Variants in RIMS2 observed in about 807,000 individuals in gnomAD.
RIMS2 encodes regulating synaptic membrane exocytosis 2.
A neutral mutation model predicts 174.4 loss-of-function variants in RIMS2; 59 were observed. The observed-to-expected ratio is 0.34, with a 90% CI of 0.27 to 0.42. RIMS2 has a LOEUF of 0.42. Ranked by LOEUF, RIMS2 falls within the 10% of genes least tolerant of loss-of-function variation. The pLI is 1.00. For missense variants in RIMS2, 1,620 were observed against 1,666.3 expected (o/e 0.97, Z 0.48); for synonymous variants, 606 against 572.5 (o/e 1.06, Z -0.84).
At chr8:104,240,164 C>A (rs1467018915) in intron 19 of RIMS2, among the ~76,000 whole-genome samples, 2 of 152,176 alleles carry the variant, frequency 1.3e-5, no homozygotes, top group African/African-American at 4.8e-5. Flanking sequence ...TGGTGTGGTT[C>A]AGTTACGCCC....
chr8:104,077,836 G>A (rs2097328042), intron 19 of RIMS2, among the ~76,000 whole-genome samples: 2 of 151,098 alleles, frequency 1.3e-5, no homozygotes, highest in Admixed American at 1.3e-4. Flanking sequence ...TTACATAAAA[G>A]ATCTACAGTT....
At chr8:104,065,513 G>C (rs2097090387) in intron 19 of RIMS2, among the ~76,000 whole-genome samples, 1 of 152,064 alleles carries the variant, frequency 6.6e-6, no homozygotes, top group African/African-American at 2.4e-5. Context: ...TTTATCTATA[G>C]GAGACTTTTC....
chr8:103,591,862 T>A (rs903387064), intron 1 of RIMS2, among the ~76,000 whole-genome samples: 2 of 151,042 alleles, frequency 1.3e-5, no homozygotes, highest in African/African-American at 4.8e-5. Flanking sequence ...TTTCTCAGAG[T>A]TGGATTAATA....
At chr8:103,563,897 A>G (rs2091981206) in intron 1 of RIMS2, among the ~76,000 whole-genome samples, 1 of 152,194 alleles carries the variant, frequency 6.6e-6, no homozygotes, top group Non-Finnish European at 1.5e-5. Context: ...AAACTCTCTT[A>G]TAAAACCAGC....
At chr8:103,598,832 T>A (rs1395279822) in intron 1 of RIMS2, among the ~76,000 whole-genome samples, 1 of 152,184 alleles carries the variant, frequency 6.6e-6, no homozygotes, top group Non-Finnish European at 1.5e-5. Flanking sequence ...AGAAAAGTCC[T>A]GGCTTTGCTG....
At chr8:104,212,277 A>T (rs1237405578) in intron 19 of RIMS2, among the ~76,000 whole-genome samples, 1 of 152,188 alleles carries the variant, frequency 6.6e-6, no homozygotes, top group Non-Finnish European at 1.5e-5. Context: ...ATAAAAGAAG[A>T]GGGCCCAAAG....
chr8:104,232,831 G>T (rs2139354827), intron 19 of RIMS2, among the ~76,000 whole-genome samples: 1 of 152,170 alleles, frequency 6.6e-6, no homozygotes, highest in South Asian at 2.1e-4. Flanking sequence ...GGCTAGAAAA[G>T]TAGCACCTTC....
intron 19 of RIMS2, among the ~76,000 whole-genome samples, chr8:104,215,834 A>G (rs1012485602): frequency 1.3e-5 from 2 of 152,214 alleles, no homozygotes; most frequent in South Asian, 2.1e-4. Flanking sequence ...GAGACTGGGA[A>G]AAATAGAAGC....
At chr8:104,066,947 A>G (rs2097115210) in intron 19 of RIMS2, among the ~76,000 whole-genome samples, 1 of 152,134 alleles carries the variant, frequency 6.6e-6, no homozygotes, top group South Asian at 2.1e-4. Flanking sequence ...AAAATTTGTT[A>G]CTAACAAGAA....
chr8:103,783,679 T>C (rs2098414253), intron 3 of RIMS2, among the ~76,000 whole-genome samples: 1 of 152,094 alleles, frequency 6.6e-6, no homozygotes, highest in South Asian at 2.1e-4. Context: ...GTGGGACATT[T>C]GGGTTGGTTC....
intron 19 of RIMS2, among the ~76,000 whole-genome samples, chr8:104,149,486 T>C (rs2098671515): frequency 6.6e-6 from 1 of 152,204 alleles, no homozygotes; most frequent in Non-Finnish European, 1.5e-5. Flanking sequence ...CAAAAATAAA[T>C]TATATACAAC....
intron 2 of RIMS2, among the ~76,000 whole-genome samples, chr8:103,762,660 G>C (rs2098124748): frequency 6.6e-6 from 1 of 152,168 alleles, no homozygotes; most frequent in South Asian, 2.1e-4. Context: ...GGCTACAAGT[G>C]AAAGTATCAG....
At chr8:103,673,461 C>G (rs2096770760) in intron 1 of RIMS2, among the ~76,000 whole-genome samples, 1 of 152,212 alleles carries the variant, frequency 6.6e-6, no homozygotes, top group Non-Finnish European at 1.5e-5. Flanking sequence ...TAGGAGGAGG[C>G]TGCCGAGATT....
chr8:103,954,852 G>A (rs2086636447), intron 14 of RIMS2, among the ~76,000 whole-genome samples: 1 of 152,060 alleles, frequency 6.6e-6, no homozygotes, highest in Non-Finnish European at 1.5e-5. Flanking sequence ...CAGACTACTA[G>A]CCAGACTAAT....
chr8:104,107,888 G>A lies in RIMS2; in HGVS notation c.3334+93273G>A, dbSNP rs192821131. On this transcript the variant is annotated intron_variant, in intron 19 of 23. Coordinates refer to ENST00000504942, the Ensembl canonical transcript of RIMS2. ...GCCTGCAGTTAGCCATGATCAAACC[G>A]TTGCATTCCAGTCTGGGCAACAGAG... Among the ~76,000 whole-genome samples, 19 of 152,122 alleles carry A rather than the reference G, an allele frequency of 1.2e-4. No homozygotes were observed. The East Asian group carries it at 1.4e-3, about 11-fold the overall frequency.
At chr8:103,592,650 C>G (rs1303640317) in intron 1 of RIMS2, among the ~76,000 whole-genome samples, 1 of 151,354 alleles carries the variant, frequency 6.6e-6, no homozygotes, top group Non-Finnish European at 1.5e-5. Context: ...TTTTCATAAT[C>G]ATACTAAGGT....
At chr8:103,961,171 G>C (rs2089920523) in intron 15 of RIMS2, 38 bp downstream of exon 17, 1 of 880,490 alleles carries the variant, frequency 1.1e-6, no homozygotes, top group Non-Finnish European at 1.9e-6. Context: ...ATTAAAAAGG[G>C]AGTGCAATTC....
intron 14 of RIMS2, among the ~76,000 whole-genome samples, chr8:103,948,100 C>T (rs1019693357): frequency 3.9e-5 from 6 of 152,048 alleles, no homozygotes; most frequent in African/African-American, 9.7e-5. Flanking sequence ...TGCCCAACAT[C>T]GTTAGTTATT....
intron 19 of RIMS2, among the ~76,000 whole-genome samples, chr8:104,151,872 G>A (rs772394504): frequency 9.9e-5 from 15 of 152,034 alleles, no homozygotes; most frequent in Admixed American, 2.0e-4. Context: ...TTAGAATTGC[G>A]CGGAGGAAGA....
Sources: allele counts gnomAD v4.1 joint callset (sites outside exome capture counted in the v4.1 genomes callset), GRCh38; gene constraint gnomAD v4.1.1; transcripts MANE v1.5; gene names NCBI Gene and HGNC (gene_info 2026-07-23, HGNC 2026-07-21).